RAB1A: variants seen among roughly 807,000 people sequenced by gnomAD.
RAB1A encodes the protein ras-related protein Rab-1A.
A neutral mutation model predicts 26.0 loss-of-function variants in RAB1A; 2 were observed. The observed-to-expected ratio is 0.08, with a 90% CI of 0.03 to 0.24. RAB1A has a LOEUF of 0.24. Ranked by LOEUF, RAB1A falls within the 10% of genes least tolerant of loss-of-function variation. The pLI, the probability that RAB1A is intolerant of heterozygous loss-of-function variation, is 1.00. For synonymous variants in RAB1A, 84 were observed against 84.9 expected (o/e 0.99, Z 0.06); for missense variants, 100 against 247.0 (o/e 0.40, Z 3.99).
rs1201745425 is a variant in RAB1A at position 65,103,299 on chromosome 2, C to CAAAAAAA, written c.96+1428_96+1434dup. Among the ~76,000 whole-genome samples, 84 of 44,110 alleles carry CAAAAAAA rather than the reference C, an allele frequency of 1.9e-3. 3 individuals carry two copies. The highest frequency in any genetic ancestry group is 3.6e-3 in the African/African-American group (46 of 12,938). 28.9% of individuals were successfully genotyped at this position (44,110 alleles called of 152,430 possible). A position where few individuals can be genotyped will look rare whatever the true frequency, so the allele number is the denominator to read the frequency against. ...TTGGCAACACAGCCAGAATCTGTCT[C>CAAAAAAA]AAAAAAAAAAAAAAACATTGTTTTA... is the stretch of plus-strand genomic sequence containing the variant. On this transcript the variant is annotated intron_variant, in intron 2 of 5. Transcript: ENST00000409784.
chr2:65,117,799 G>A (rs1276603809), intron 1 of RAB1A, among the ~76,000 whole-genome samples: 1 of 149,696 alleles, frequency 6.7e-6, no homozygotes, highest in Non-Finnish European at 1.5e-5. Context: ...TCAAACTCCT[G>A]AGCTCAAGTG....
At chr2:65,092,500 T>A (rs1407592334) in intron 3 of RAB1A, among the ~76,000 whole-genome samples, 1 of 152,224 alleles carries the variant, frequency 6.6e-6, no homozygotes, top group African/African-American at 2.4e-5. Context: ...TGTGCCTGAC[T>A]ATAGAAGCTG....
In RAB1A at chr2:65,114,565, C is replaced by T. The variant is rs138410293; in HGVS notation, c.24-9759G>A. Among the ~76,000 whole-genome samples the T allele has an allele frequency of 5.5e-4, 84 of 152,256 alleles. 1 individual carries two copies. The East Asian group carries it at 0.015, about 28-fold the overall frequency. On this transcript the variant is annotated intron_variant, in intron 1 of 5. Transcript: ENST00000409784. ...CCCAATACAACAGTTTAAGGGGGGC[C>T]GGGCGCGGTGGCTCACGCCTGTAAT...
chr2:65,093,478 C>T (rs1444710331), intron 3 of RAB1A, among the ~76,000 whole-genome samples: 1 of 152,038 alleles, frequency 6.6e-6, no homozygotes, highest in East Asian at 1.9e-4. Context: ...CCAGATGTCA[C>T]ACCTGAACAG....
At chr2:65,093,625 T>TA (rs1669219173) in intron 3 of RAB1A, among the ~76,000 whole-genome samples, 1 of 82,818 alleles carries the variant, frequency 1.2e-5, no homozygotes, top group Admixed American at 1.2e-4. Flanking sequence ...TGTGTTTAGA[T>TA]TTTTTTTTTT....
At position 65,092,035 on chromosome 2, in the gene RAB1A, G is replaced by A. The variant is rs796368956; in HGVS notation, c.193-957C>T. ...CACGCCTGTAATCCCAGCACTTTGT[G>A]GGGCCGAGACGGGCGGATTACGAGC... is the stretch of plus-strand genomic sequence containing the variant. On this transcript the variant is annotated intron_variant, in intron 3 of 5. Coordinates refer to ENST00000409784, the MANE Select transcript of RAB1A (RefSeq NM_004161.5). 8.5e-5 allele frequency among the ~76,000 whole-genome samples: 13 copies of A among 152,326 alleles called. No individual in the cohort carries two copies. In the East Asian group the frequency reaches 2.3e-3, roughly 27 times the overall value.
At chr2:65,103,299 CAA>C (rs1201745425) in intron 2 of RAB1A, among the ~76,000 whole-genome samples, 1 of 44,096 alleles carries the variant, frequency 2.3e-5, no homozygotes, top group African/African-American at 7.7e-5. Flanking sequence ...GAATCTGTCT[CAA>C]AAAAAAAAAA....
At chr2:65,089,580 A>T (rs1015790579) in intron 4 of RAB1A, among the ~76,000 whole-genome samples, 3 of 152,236 alleles carry the variant, frequency 2.0e-5, no homozygotes, top group Non-Finnish European at 1.5e-5. Context: ...AGGCTTAACG[A>T]TGAAAATACC....
chr2:65,092,010 C>G (rs1334270898), intron 3 of RAB1A, among the ~76,000 whole-genome samples: 1 of 152,178 alleles, frequency 6.6e-6, no homozygotes, highest in Non-Finnish European at 1.5e-5. Flanking sequence ...TACGGTGGCT[C>G]ACGCCTGTAA....
chr2:65,101,742 CTTTTTTTTTTTT>C (rs71401771), intron 2 of RAB1A, among the ~76,000 whole-genome samples: 11 of 70,662 alleles, frequency 1.6e-4, no homozygotes, highest in African/African-American at 6.8e-4. Context: ...GTATTACTTC[CTTTTTTTTTTTT>C]TTTTTTTTTT....
intron 3 of RAB1A, among the ~76,000 whole-genome samples, chr2:65,095,197 G>GT (rs1281911433): frequency 4.0e-5 from 6 of 151,782 alleles, no homozygotes; most frequent in East Asian, 3.9e-4. Context: ...GGTTTTTTTT[G>GT]TTTTTTTCTG....
At chr2:65,114,375 T>C (rs1409005579) in intron 1 of RAB1A, among the ~76,000 whole-genome samples, 1 of 152,138 alleles carries the variant, frequency 6.6e-6, no homozygotes, top group Non-Finnish European at 1.5e-5. Context: ...TAAAAACAAA[T>C]ATAAATTTTA....
chr2:65,126,440 CA>C (rs374239676), intron 1 of RAB1A, among the ~76,000 whole-genome samples: 45 of 146,378 alleles, frequency 3.1e-4, no homozygotes, highest in Non-Finnish European at 6.0e-4. Context: ...GATTCCGTCT[CA>C]AAAAAAAAAC....
At position 65,118,931 on chromosome 2, in the gene RAB1A, G is replaced by A. The variant is rs564838093; in HGVS notation, c.23+10962C>T. On this transcript the variant is annotated intron_variant, in intron 1 of 5. Coordinates refer to ENST00000409784, the MANE Select transcript of RAB1A (RefSeq NM_004161.5). Reference sequence around the variant, plus strand: ...AGGCCAGGTACAGTGGCTCATGCCTGTAATCCCAGCACGTTGGGAGGTCAA... The same window carrying A: ...AGGCCAGGTACAGTGGCTCATGCCTATAATCCCAGCACGTTGGGAGGTCAA... Among the ~76,000 whole-genome samples the A allele has an allele frequency of 5.9e-5, 9 of 152,228 alleles. No individual in the cohort carries two copies. In the South Asian group the frequency reaches 1.7e-3, roughly 28 times the overall value.
intron 1 of RAB1A, among the ~76,000 whole-genome samples, chr2:65,122,297 C>T (rs1261749768): frequency 1.3e-5 from 2 of 151,288 alleles, no homozygotes; most frequent in African/African-American, 4.9e-5. Flanking sequence ...CCTATAATCC[C>T]AGCACTTTGG....
chr2:65,087,698 T>C lies in RAB1A; in HGVS notation c.*795A>G, dbSNP rs573919976. ...TCCCTACACAGCACAGAAGCCCCTC[T>C]AGGTCATGTTATTGGGCATATTATC... On this transcript the variant is annotated 3_prime_UTR_variant, in exon 6 of 6. Coordinates refer to ENST00000409784, the MANE Select transcript of RAB1A (RefSeq NM_004161.5). 3 of 152,784 alleles carry C rather than the reference T, an allele frequency of 2.0e-5. No homozygotes were observed. In the East Asian group the frequency reaches 5.8e-4, roughly 29 times the overall value. 9.5% of individuals were successfully genotyped at this position (152,784 alleles called of 1,614,324 possible). A position where few individuals can be genotyped will look rare whatever the true frequency, so the allele number is the denominator to read the frequency against.
At chr2:65,123,328 G>A (rs571363239) in intron 1 of RAB1A, among the ~76,000 whole-genome samples, 38 of 151,464 alleles carry the variant, frequency 2.5e-4, no homozygotes, top group African/African-American at 8.7e-4. Flanking sequence ...CTGCCACCAC[G>A]CCCAGCTAAT....
chr2:65,098,532 ATT>A (rs34637428), intron 2 of RAB1A, among the ~76,000 whole-genome samples: 7 of 150,954 alleles, frequency 4.6e-5, no homozygotes, highest in Admixed American at 2.0e-4. Context: ...CCTAATTATG[ATT>A]TTTTTTTTTA....
At chr2:65,108,027 G>A (rs1003872998) in intron 1 of RAB1A, among the ~76,000 whole-genome samples, 3 of 143,960 alleles carry the variant, frequency 2.1e-5, no homozygotes, top group Admixed American at 7.2e-5. Context: ...TCACACCACT[G>A]CACTCCAGCA....
Sources: gnomAD v4.1 joint callset for allele counts (sites outside exome capture counted in the v4.1 genomes callset) on GRCh38, gnomAD v4.1.1 for gene constraint, MANE v1.5 for transcripts, NCBI Gene and HGNC (gene_info 2026-07-23, HGNC 2026-07-21) for gene names.